Variants in CREBBP observed in about 807,000 individuals in gnomAD.
CREBBP encodes the protein CREB-binding protein.
CREBBP carries 19 observed loss-of-function variants against 265.0 expected under a neutral mutation model. The ratio of observed to expected loss-of-function variants is 0.07; its 90% CI spans 0.05 to 0.11. The LOEUF is 0.11. Among genes scored for constraint, CREBBP ranks in the 10% least tolerant of loss-of-function variants. CREBBP has a pLI of 1.00. For missense variants in CREBBP, 2,525 were observed against 3,219.0 expected, an observed-to-expected ratio of 0.78 and a Z score of 5.22; for synonymous variants, 1,457 against 1,223.7, an observed-to-expected ratio of 1.19 and a Z score of -3.98.
intron 19 of CREBBP, among the ~76,000 whole-genome samples, chr16:3,755,971 A>T (rs1486507385): frequency 6.6e-6 from 1 of 151,990 alleles, no homozygotes; most frequent in Non-Finnish European, 1.5e-5. Context: ...TGTCAAAAGG[A>T]TTTTTTTTAA....
At chr16:3,877,213 C>T (rs2055420720) in intron 1 of CREBBP, among the ~76,000 whole-genome samples, 1 of 152,216 alleles carries the variant, frequency 6.6e-6, no homozygotes, top group African/African-American at 2.4e-5. Context: ...GAGACACATC[C>T]CGTCACTAAA....
In CREBBP at chr16:3,725,774, C is replaced by CCTAT. The variant is rs1567256413; in HGVS notation, c.*1940_*1943dup. 1 of 233,160 alleles carries CCTAT rather than the reference C, an allele frequency of 4.3e-6. No homozygotes were observed. Among genetic ancestry groups the CCTAT allele is most frequent in the East Asian group, 6.0e-5 (1 of 16,606 alleles). The allele number at this position is 233,160 out of a possible 1,614,324, so 14.4% of individuals were successfully genotyped here. ...AAACCAAGTATTCAGCTATTTAAAA[C>CCTAT]CTATCTGTGAATGTAAGGGCCCAAA... On this transcript the variant is annotated 3_prime_UTR_variant, in exon 31 of 31. Coordinates refer to ENST00000262367, the MANE Select transcript of CREBBP (RefSeq NM_004380.3).
intron 14 of CREBBP, among the ~76,000 whole-genome samples, chr16:3,769,922 G>A (rs1034696209): frequency 5.3e-5 from 8 of 152,044 alleles, no homozygotes; most frequent in African/African-American, 1.9e-4. Flanking sequence ...CTAGGCTGGA[G>A]TACAATGGCG....
chr16:3,872,157 T>C (rs2055312639), intron 1 of CREBBP, among the ~76,000 whole-genome samples: 1 of 152,088 alleles, frequency 6.6e-6, no homozygotes, highest in Non-Finnish European at 1.5e-5. Context: ...TTCCTAAATT[T>C]AGAACCAGAA....
In CREBBP at chr16:3,880,161, C is replaced by G; in HGVS notation, c.-245G>C. On this transcript the variant is annotated 5_prime_UTR_variant, in exon 1 of 31. Coordinates refer to ENST00000262367, the MANE Select transcript of CREBBP (RefSeq NM_004380.3). ...CCCGGCCGCCGCCGCCGCCGCCGGCCGCGGCCCCCTCATCCCCTGCCCGCC... is the reference window on the plus strand; with the variant it reads ...CCCGGCCGCCGCCGCCGCCGCCGGCGGCGGCCCCCTCATCCCCTGCCCGCC... 7.4e-6 allele frequency: 1 copy of G among 134,448 alleles called. No homozygotes were observed. Among genetic ancestry groups the G allele is most frequent in the Non-Finnish European group, 1.6e-5 (1 of 62,026 alleles). The allele number at this position is 134,448 out of a possible 1,614,324, so 8.3% of individuals were successfully genotyped here.
At chr16:3,852,860 C>T (rs2054881261) in intron 1 of CREBBP, among the ~76,000 whole-genome samples, 1 of 152,104 alleles carries the variant, frequency 6.6e-6, no homozygotes, top group Non-Finnish European at 1.5e-5. Context: ...GTCATCTCTA[C>T]CCTCTCATTT....
At position 3,727,043 on chromosome 16, in the gene CREBBP, C is replaced by G. The variant is rs1436179797; in HGVS notation, c.*675G>C. The G allele has an allele frequency of 4.3e-6, 1 of 234,010 alleles. No individual in the cohort carries two copies. Among genetic ancestry groups the G allele is most frequent in the East Asian group, 6.0e-5 (1 of 16,572 alleles). The allele number at this position is 234,010 out of a possible 1,614,324, so 14.5% of individuals were successfully genotyped here. A position where few individuals can be genotyped will look rare whatever the true frequency, so the allele number is the denominator to read the frequency against. ...TAGCATGGTCTAAGAGTGATCATCC[C>G]TATTTTTTGTCTAAAACCAGTTTTA... On this transcript the variant is annotated 3_prime_UTR_variant, in exon 31 of 31. Coordinates refer to ENST00000262367, the MANE Select transcript of CREBBP (RefSeq NM_004380.3).
chr16:3,869,493 G>A (rs889824045), intron 1 of CREBBP, among the ~76,000 whole-genome samples: 3 of 152,100 alleles, frequency 2.0e-5, no homozygotes, highest in Non-Finnish European at 2.9e-5. Context: ...TAGGTGATAC[G>A]TATCTTAAAG....
chr16:3,878,600 T>A (rs960793449), intron 1 of CREBBP, among the ~76,000 whole-genome samples: 24 of 152,254 alleles, frequency 1.6e-4, no homozygotes, highest in Admixed American at 5.9e-4. Context: ...CAGTTTTTTT[T>A]AATATGCTAG....
rs2151303096 is a variant in CREBBP, at chr16:3,728,473, T to C, written c.6574A>G (p.Met2192Val). 3 of 1,613,826 alleles carry C rather than the reference T, an allele frequency of 1.9e-6. No homozygotes were observed. The highest frequency in any genetic ancestry group is 2.5e-6 in the Non-Finnish European group (3 of 1,179,936). The change falls in exon 31 of 31, where the codon ATG (methionine) becomes GTG (valine). Residue 2192 changes from methionine (M) to valine (V), a missense_variant. Coordinates refer to ENST00000262367, the MANE Select transcript of CREBBP (RefSeq NM_004380.3). The surrounding 1 kb of genome is among the most constrained non-coding windows in gnomAD (Gnocchi z 8.7). Reference sequence around the variant, plus strand: ...TGCTGCAGCAGCTGCCTCCGTAACATTTCTCGGTACTGTGGATTCATACTC... The same window carrying C: ...TGCTGCAGCAGCTGCCTCCGTAACACTTCTCGGTACTGTGGATTCATACTC... ...MASMNPQYRE[M>V]LRRQLLQQQQ...
chr16:3,733,160 A>C (rs746500721), intron 28 of CREBBP, among the ~76,000 whole-genome samples: 2 of 151,974 alleles, frequency 1.3e-5, no homozygotes, highest in Non-Finnish European at 2.9e-5. Context: ...CAGGAAATCA[A>C]GACCAACCTG....
chr16:3,812,063 A>G (rs1397072782), intron 2 of CREBBP, among the ~76,000 whole-genome samples: 1 of 152,068 alleles, frequency 6.6e-6, no homozygotes, highest in East Asian at 1.9e-4. Flanking sequence ...GGTGGCAGGA[A>G]AAGGGCATAG....
chr16:3,727,801 T>G lies in CREBBP; in HGVS notation c.7246A>C (p.Ser2416Arg). The G allele has an allele frequency of 6.2e-7, 1 of 1,614,118 alleles. No individual in the cohort carries two copies. ...SAMLPQLNTP[S>R]RSALSSELSL... is the part of the protein sequence containing the mutation. ...AGTTCGCTGGACAGCGCACTCCTGC[T>G]GGGGGTGTTCAGCTGGGGGAGCATT... Residue 2416 changes from serine to arginine, a missense_variant, in exon 31 of 31, where the codon AGC becomes CGC. By Grantham distance (110) the Ser-to-Arg change is moderately radical. Transcript: ENST00000262367.
At chr16:3,732,796 G>A (rs953713594) in intron 28 of CREBBP, among the ~76,000 whole-genome samples, 2 of 151,952 alleles carry the variant, frequency 1.3e-5, no homozygotes, top group South Asian at 4.1e-4. Context: ...TGCCTCCAAG[G>A]TTCAAGCGAT....
chr16:3,845,494 C>G (rs1281305445), intron 2 of CREBBP, among the ~76,000 whole-genome samples: 1 of 151,932 alleles, frequency 6.6e-6, no homozygotes, highest in East Asian at 1.9e-4. Context: ...GATGGATTAC[C>G]AATACTAAAT....
chr16:3,729,956 TAA>T (rs1313312406), intron 30 of CREBBP, 82 bp from the exon 31 acceptor site: 2 of 1,562,302 alleles, frequency 1.3e-6, no homozygotes, highest in Non-Finnish European at 1.7e-6. Context: ...CCTCCACCGC[TAA>T]GTCTGGGTCT....
rs374271755 is a variant in CREBBP at position 3,767,710 on chromosome 16, A to G, written c.3250+10T>C. Reference sequence around the variant, plus strand: ...GCATGCTTTAATAAGGTAATGAATAAATGGCCTACTTTTTTTGCGCGGCTG... The same window carrying G: ...GCATGCTTTAATAAGGTAATGAATAGATGGCCTACTTTTTTTGCGCGGCTG... On this transcript the variant is annotated intron_variant, in intron 16 of 30. Coordinates refer to ENST00000262367, the MANE Select transcript of CREBBP (RefSeq NM_004380.3). 25 of 1,614,124 alleles carry G rather than the reference A, an allele frequency of 1.5e-5. No homozygotes were observed. Among genetic ancestry groups the G allele is most frequent in the Non-Finnish European group, 2.1e-5 (25 of 1,180,054 alleles).
In CREBBP at chr16:3,742,416, A is replaced by G. The variant is rs1444033637; in HGVS notation, c.3983-1867T>C. The stretch of plus-strand genomic sequence containing the variant: ...TATTTTTATAGGATACATGTGTGAA[A>G]GTAGACTTGCTAAATCTAAAAATGA... On this transcript the variant is annotated intron_variant, in intron 23 of 30. Transcript: ENST00000262367. 3 of 152,250 alleles carry G rather than the reference A, an allele frequency of 2.0e-5. No individual in the cohort carries two copies. The East Asian group carries it at 5.8e-4, about 29-fold the overall frequency. The allele number at this position is 152,250 out of a possible 1,614,324, so 9.4% of individuals were successfully genotyped here.
chr16:3,729,354 C>T lies in CREBBP; in HGVS notation c.5693G>A (p.Ser1898Asn), dbSNP rs1383477288. 1.2e-6 allele frequency: 2 copies of T among 1,602,510 alleles called. No homozygotes were observed. The highest frequency in any genetic ancestry group is 1.7e-6 in the Non-Finnish European group (2 of 1,177,626). The change falls in exon 31 of 31, where the codon AGC (serine) becomes AAC (asparagine). Residue 1898 changes from serine to asparagine, a missense_variant. Ser to Asn is a conservative substitution (Grantham distance 46). Around this residue, in one of 19 missense-constraint regions of CREBBP, gnomAD observed 275 missense variants for 276.5 expected, o/e 0.99. Transcript: ENST00000262367. ...APPGTPTQQPSTPQTPQPPAQ... is the reference protein window; with the variant it reads ...APPGTPTQQPNTPQTPQPPAQ... ...AGGGGGCTGCGGCGTCTGGGGTGTG[C>T]TGGGCTGCTGTGTGGGGGTCCCGGG...
Sources: gnomAD v4.1 joint callset for allele counts (sites outside exome capture counted in the v4.1 genomes callset) on GRCh38, gnomAD v4.1.1 for gene constraint, gnomAD v4.1.1 regional missense constraint, Gnocchi (gnomAD v3.1) non-coding constraint, MANE v1.5 for transcripts, NCBI Gene and HGNC (gene_info 2026-07-23, HGNC 2026-07-21) for gene names.